The following KCNMB2 variants were observed in gnomAD, a reference collection of about 807,000 sequenced individuals.
KCNMB2 encodes calcium-activated potassium channel subunit beta-2.
A neutral mutation model predicts 24.5 loss-of-function variants in KCNMB2; 9 were observed. That is an observed-to-expected ratio of 0.37 (90% CI 0.22 to 0.64). KCNMB2 has a LOEUF of 0.64. KCNMB2 is among the 30% of genes least tolerant of loss of function. The pLI, the probability that KCNMB2 is intolerant of heterozygous loss-of-function variation, is 0.63. For synonymous variants in KCNMB2, 109 were observed against 104.4 expected, an observed-to-expected ratio of 1.04 and a Z score of -0.27; for missense variants, 226 against 284.3, an observed-to-expected ratio of 0.79 and a Z score of 1.47.
chr3:178,797,743 T>C (rs1713608312), intron 1 of KCNMB2, among the ~76,000 whole-genome samples: 1 of 152,218 alleles, frequency 6.6e-6, no homozygotes, highest in Non-Finnish European at 1.5e-5. Context: ...GCCATTTTCA[T>C]GATATTGATT....
rs558008311 is a variant in KCNMB2 at position 178,625,923 on chromosome 3, T to C, written c.-68+89212T>C. On this transcript the variant is annotated intron_variant, in intron 1 of 4. Coordinates refer to ENST00000452583, the MANE Select transcript of KCNMB2 (RefSeq NM_181361.3). ...TATAGAGTAAGACTTGATCTTGCCA[T>C]AAGTATTAGTGAGAGACATTCCCCT... 2.6e-5 allele frequency among the ~76,000 whole-genome samples: 4 copies of C among 152,290 alleles called. No homozygotes were observed. In the South Asian group the frequency reaches 8.3e-4, roughly 32 times the overall value.
chr3:178,654,018 T>C (rs1720230809), intron 1 of KCNMB2, among the ~76,000 whole-genome samples: 1 of 152,142 alleles, frequency 6.6e-6, no homozygotes, highest in South Asian at 2.1e-4. Flanking sequence ...TGTAATGGGC[T>C]GAACCTAGAA....
At position 178,583,765 on chromosome 3, in the gene KCNMB2, C is replaced by A. The variant is rs373767492; in HGVS notation, c.-68+47054C>A. Among the ~76,000 whole-genome samples the A allele has an allele frequency of 5.1e-4, 77 of 152,254 alleles. No individual in the cohort carries two copies. The South Asian group carries it at 0.015, about 30-fold the overall frequency. ...GTTTTGAAGAAGAAAGGAGATAATG[C>A]ACATAAATGTACTCAGAAATGCTAA... On this transcript the variant is annotated intron_variant, in intron 1 of 4. Coordinates refer to ENST00000452583, the MANE Select transcript of KCNMB2 (RefSeq NM_181361.3).
chr3:178,550,417 CA>C (rs1221742586), intron 1 of KCNMB2, among the ~76,000 whole-genome samples: 10 of 137,526 alleles, frequency 7.3e-5, no homozygotes, highest in South Asian at 4.6e-4. Context: ...AAGATAGCGC[CA>C]CTGCACTCCA....
chr3:178,604,023 A>C (rs1718189006), intron 1 of KCNMB2, among the ~76,000 whole-genome samples: 1 of 152,184 alleles, frequency 6.6e-6, no homozygotes, highest in South Asian at 2.1e-4. Flanking sequence ...ACAGCAGGCT[A>C]CCCCAACATG....
intron 1 of KCNMB2, among the ~76,000 whole-genome samples, chr3:178,768,308 C>T (rs542293655): frequency 6.6e-6 from 1 of 152,182 alleles, no homozygotes; most frequent in East Asian, 1.9e-4. Context: ...CCACTGACTT[C>T]ATAAGACCAA....
Position 178,842,775 on chromosome 3 carries a change from G to A in KCNMB2, c.546G>A (p.Gln182=). The A allele has an allele frequency of 1.2e-6, 2 of 1,613,964 alleles. No individual in the cohort carries two copies. The highest frequency in any genetic ancestry group is 1.7e-6 in the Non-Finnish European group (2 of 1,179,850). ...FSCYSDPEGN[Q]KSVILTKLYS... ...GCTATTCTGACCCAGAAGGAAACCA[G>A]AAGAGTGTTATCCTAACAAAACTCT... The change falls in exon 5 of 5, where the codon CAG becomes CAA. Residue 182 remains glutamine, a synonymous_variant. Coordinates refer to ENST00000452583, the MANE Select transcript of KCNMB2 (RefSeq NM_181361.3).
intron 1 of KCNMB2, among the ~76,000 whole-genome samples, chr3:178,656,891 AG>A (rs1220826692): frequency 6.6e-6 from 1 of 152,204 alleles, no homozygotes; most frequent in African/African-American, 2.4e-5. Context: ...GGGGCGGGGT[AG>A]GGGGGTGGTA....
intron 1 of KCNMB2, among the ~76,000 whole-genome samples, chr3:178,678,104 A>G (rs963744192): frequency 2.0e-5 from 3 of 152,220 alleles, no homozygotes; most frequent in African/African-American, 4.8e-5. Context: ...CTCTTGTCCA[A>G]TCAAAATGGG....
intron 1 of KCNMB2, among the ~76,000 whole-genome samples, chr3:178,594,652 T>C (rs1577035537): frequency 6.6e-6 from 1 of 152,086 alleles, no homozygotes; most frequent in East Asian, 1.9e-4. Context: ...GGATGCCTTG[T>C]AGACAACTGG....
chr3:178,541,444 C>A (rs1021480290), intron 1 of KCNMB2, among the ~76,000 whole-genome samples: 1 of 152,150 alleles, frequency 6.6e-6, no homozygotes, highest in Non-Finnish European at 1.5e-5. Context: ...GTAGCCTGTG[C>A]AGCAGTAGTA....
intron 1 of KCNMB2, among the ~76,000 whole-genome samples, chr3:178,661,799 C>T (rs537499176): frequency 1.4e-3 from 206 of 152,304 alleles, no homozygotes; most frequent in African/African-American, 4.4e-3. Flanking sequence ...GTCATACACA[C>T]ATTGAAGTGT....
chr3:178,589,472 T>C (rs1327640052), intron 1 of KCNMB2, among the ~76,000 whole-genome samples: 1 of 152,068 alleles, frequency 6.6e-6, no homozygotes, highest in Non-Finnish European at 1.5e-5. Context: ...GGTTGTGTTT[T>C]TTTTGTTGTT....
chr3:178,661,510 C>T (rs1720529870), intron 1 of KCNMB2, among the ~76,000 whole-genome samples: 1 of 152,044 alleles, frequency 6.6e-6, no homozygotes, highest in South Asian at 2.1e-4. Context: ...CTTGCGGTCA[C>T]TCTACTCTGC....
chr3:178,754,177 T>TATATATATATATATATACACAC (rs1435109631), intron 1 of KCNMB2, among the ~76,000 whole-genome samples: 6 of 117,222 alleles, frequency 5.1e-5, no homozygotes, highest in African/African-American at 1.1e-4. Flanking sequence ...TATATATATA[T>TATATATATATATATATACACAC]ACACACACAC....
At chr3:178,757,346 GAGGATATATATATATATA>G (rs2108396563) in intron 1 of KCNMB2, among the ~76,000 whole-genome samples, 2 of 57,322 alleles carry the variant, frequency 3.5e-5, no homozygotes, top group African/African-American at 2.0e-4. Flanking sequence ...ATATATCCAA[GAGGATATATATATATATA>G]TATATATATC....
At chr3:178,755,542 A>G (rs188134837) in intron 1 of KCNMB2, among the ~76,000 whole-genome samples, 403 of 152,360 alleles carry the variant, frequency 2.6e-3, no homozygotes, top group Middle Eastern at 0.014. Flanking sequence ...TCAAGCAGGT[A>G]AAACAAAATG....
At chr3:178,737,924 A>T (rs1165203785) in intron 1 of KCNMB2, among the ~76,000 whole-genome samples, 1 of 152,166 alleles carries the variant, frequency 6.6e-6, no homozygotes, top group African/African-American at 2.4e-5. Flanking sequence ...TGCTAACAAC[A>T]CTGGTATTTA....
chr3:178,834,270 G>T (rs1715146551), intron 4 of KCNMB2, among the ~76,000 whole-genome samples: 1 of 152,048 alleles, frequency 6.6e-6, no homozygotes, highest in Admixed American at 6.6e-5. Context: ...GGTGAGCTCA[G>T]AATAATAAAA....
Sources: allele counts gnomAD v4.1 joint callset (sites outside exome capture counted in the v4.1 genomes callset), GRCh38; gene constraint gnomAD v4.1.1; transcripts MANE v1.5; gene names NCBI Gene and HGNC (gene_info 2026-07-23, HGNC 2026-07-21).